Variants in ATP8B1 observed in about 807,000 individuals in gnomAD.
ATP8B1 encodes ATPase phospholipid transporting 8B1.
ATP8B1 carries 80 observed loss-of-function variants against 149.9 expected under a neutral mutation model. The ratio of observed to expected loss-of-function variants is 0.53; its 90% confidence interval spans 0.45 to 0.64. The LOEUF (loss-of-function observed/expected upper bound fraction) is 0.64. ATP8B1 is among the 30% of genes least tolerant of loss of function. The pLI is 0.00. For missense variants in ATP8B1, 1,247 were observed against 1,552.6 expected, an observed-to-expected ratio of 0.80 and a Z score of 3.31; for synonymous variants, 536 against 562.8, an observed-to-expected ratio of 0.95 and a Z score of 0.67.
intron 22 of ATP8B1, among the ~76,000 whole-genome samples, chr18:57,656,428 C>T (rs1910000511): frequency 6.7e-6 from 1 of 150,216 alleles, no homozygotes; most frequent in Admixed American, 6.7e-5. Context: ...CTCTGTCACC[C>T]AGGCTGCAGT....
chr18:57,780,714 G>A (rs1599231792), intron 1 of ATP8B1, among the ~76,000 whole-genome samples: 1 of 152,328 alleles, frequency 6.6e-6, no homozygotes, highest in East Asian at 1.9e-4. Context: ...GAGGTTGCCT[G>A]ATGGAGGTAA....
intron 1 of ATP8B1, among the ~76,000 whole-genome samples, chr18:57,769,478 C>A (rs973716477): frequency 6.6e-6 from 1 of 152,192 alleles, no homozygotes; most frequent in African/African-American, 2.4e-5. Flanking sequence ...CAAGACCCAC[C>A]AGCAAGAAAC....
At position 57,648,178 on chromosome 18, in the gene ATP8B1, G is replaced by T. The variant is rs1909304506; in HGVS notation, c.*310C>A. On this transcript the variant is annotated 3_prime_UTR_variant, in exon 28 of 28. Coordinates refer to ENST00000648908, the MANE Select transcript of ATP8B1 (RefSeq NM_001374385.1). Reference sequence around the variant, plus strand: ...ATTTTTAATTTATGGTAGAGACAGGGTTTCACCATGTTGGCTGGGCTGGTC... The same window carrying T: ...ATTTTTAATTTATGGTAGAGACAGGTTTTCACCATGTTGGCTGGGCTGGTC... 1 of 467,160 alleles carries T rather than the reference G, an allele frequency of 2.1e-6. No individual in the cohort carries two copies. The highest frequency in any genetic ancestry group is 3.9e-6 in the Non-Finnish European group (1 of 253,858). 28.9% of individuals were successfully genotyped at this position (467,160 alleles called of 1,614,324 possible). A position where few individuals can be genotyped will look rare whatever the true frequency, so the allele number is the denominator to read the frequency against.
chr18:57,666,967 T>G, intron 20 of ATP8B1, 125 bp downstream of exon 20: 2 of 841,200 alleles, frequency 2.4e-6, no homozygotes, highest in Non-Finnish European at 4.0e-6. Flanking sequence ...CATTTAAACA[T>G]GAGGAAACTG....
rs1045065585 is a variant in ATP8B1 at position 57,648,305 on chromosome 18, A to C, written c.*183T>G. On this transcript the variant is annotated 3_prime_UTR_variant, in exon 28 of 28. Transcript: ENST00000648908. ...CCGGCCGAATAATAGGACTTTTAAA[A>C]GTCCTATTTCTTGGCTCTGCTATTG... 4 of 777,502 alleles carry C rather than the reference A, an allele frequency of 5.1e-6. No individual in the cohort carries two copies. The highest frequency in any genetic ancestry group is 8.5e-6 in the Non-Finnish European group (4 of 470,040). The allele number at this position is 777,502 out of a possible 1,614,324, so 48.2% of individuals were successfully genotyped here. A position where few individuals can be genotyped will look rare whatever the true frequency, so the allele number is the denominator to read the frequency against.
intron 2 of ATP8B1, among the ~76,000 whole-genome samples, chr18:57,727,107 A>G (rs1344658710): frequency 1.3e-5 from 2 of 152,182 alleles, no homozygotes; most frequent in African/African-American, 4.8e-5. Context: ...ATAAATAAAA[A>G]GAATAAAATA....
chr18:57,795,032 T>A (rs757197465), intron 1 of ATP8B1, among the ~76,000 whole-genome samples: 24 of 152,050 alleles, frequency 1.6e-4, no homozygotes, highest in Non-Finnish European at 7.4e-5. Flanking sequence ...CCAAACTGAA[T>A]AAGGGGGGCT....
intron 13 of ATP8B1, among the ~76,000 whole-genome samples, chr18:57,686,589 T>C (rs1437194002): frequency 6.6e-6 from 1 of 152,020 alleles, no homozygotes; most frequent in Non-Finnish European, 1.5e-5. Flanking sequence ...CCCAGGTAAT[T>C]TTTGTACTTT....
At chr18:57,771,837 C>A (rs1457906813) in intron 1 of ATP8B1, among the ~76,000 whole-genome samples, 1 of 152,168 alleles carries the variant, frequency 6.6e-6, no homozygotes, top group Non-Finnish European at 1.5e-5. Context: ...AAAGGGAACA[C>A]AGCCTAAGGC....
intron 15 of ATP8B1, 68 bp downstream of exon 15, chr18:57,683,968 A>C (rs545931729): frequency 2.3e-5 from 36 of 1,582,046 alleles, no homozygotes; most frequent in Non-Finnish European, 3.0e-5. Context: ...CATTTGAGCC[A>C]TAAGCAGGAG....
intron 13 of ATP8B1, 48 bp downstream of exon 13, chr18:57,688,251 G>T (rs188682887): frequency 1.3e-6 from 2 of 1,572,096 alleles, no homozygotes; most frequent in East Asian, 2.2e-5. Flanking sequence ...ACCTGCACAC[G>T]GCAGGCAGCC....
At chr18:57,717,668 A>G (rs749408058) in intron 2 of ATP8B1, among the ~76,000 whole-genome samples, 89 of 151,366 alleles carry the variant, frequency 5.9e-4, no homozygotes, top group Non-Finnish European at 5.8e-4. Flanking sequence ...GAGATAAATG[A>G]CATTGAAACA....
rs59186951 is a variant in ATP8B1 at position 57,785,881 on chromosome 18, G to T, written c.-26+17117C>A. On this transcript the variant is annotated intron_variant, in intron 1 of 27. Transcript: ENST00000648908. ...GAAAGAACTTGGTTATTCTCCTCTG[G>T]CAGCTTAGTGAAGGAGTAAAAGCCA... Among the ~76,000 whole-genome samples the T allele has an allele frequency of 9.7e-3, 1,482 of 152,230 alleles. 27 individuals carry two copies. The highest frequency in any genetic ancestry group is 0.034 in the African/African-American group (1,429 of 41,538).
Position 57,731,608 on chromosome 18 carries a change from C to T in ATP8B1, c.181+19G>A, listed in dbSNP as rs369562908. On this transcript the variant is annotated intron_variant, in intron 2 of 27. Coordinates refer to ENST00000648908, the MANE Select transcript of ATP8B1 (RefSeq NM_001374385.1). Reference sequence around the variant, plus strand: ...GAGGATTTATAAGCGACCTAGTCACCGGGACTTCATGTGGTTACCTTTTCT... The same window carrying T: ...GAGGATTTATAAGCGACCTAGTCACTGGGACTTCATGTGGTTACCTTTTCT... 1.1e-4 allele frequency: 173 copies of T among 1,613,212 alleles called. No individual in the cohort carries two copies. The highest frequency in any genetic ancestry group is 3.1e-4 in the East Asian group (14 of 44,864).
At chr18:57,717,416 C>T (rs979378511) in intron 2 of ATP8B1, among the ~76,000 whole-genome samples, 2 of 150,746 alleles carry the variant, frequency 1.3e-5, no homozygotes, top group Non-Finnish European at 3.0e-5. Context: ...GGCACAGTGG[C>T]GGGCACCTGT....
chr18:57,697,527 C>G (rs967885968), intron 8 of ATP8B1, 91 bp downstream of exon 8: 12 of 1,382,884 alleles, frequency 8.7e-6, no homozygotes, highest in African/African-American at 7.1e-5. Context: ...GGCCAGATAT[C>G]AAGCCGTCTG....
intron 2 of ATP8B1, among the ~76,000 whole-genome samples, chr18:57,729,553 T>C (rs1391343878): frequency 2.3e-4 from 5 of 22,070 alleles, no homozygotes; most frequent in African/African-American, 7.4e-4. Context: ...TTCTTTCTTT[T>C]TTTTTTTTTT....
rs1911794803 is a variant in ATP8B1 at position 57,679,211 on chromosome 18, C to T, written c.1631-4189G>A. Among the ~76,000 whole-genome samples the T allele has an allele frequency of 2.0e-5, 3 of 149,888 alleles. No homozygotes were observed. In the South Asian group the frequency reaches 6.4e-4, roughly 32 times the overall value. On this transcript the variant is annotated intron_variant, in intron 15 of 27. Transcript: ENST00000648908. The stretch of plus-strand genomic sequence containing the variant: ...CGCCACTGCTCTCCAGCCTGGGCAA[C>T]AGAGCAAGACTCTGTCTCAAAAAAA...
At chr18:57,782,004 AT>A (rs1248046189) in intron 1 of ATP8B1, among the ~76,000 whole-genome samples, 3 of 152,182 alleles carry the variant, frequency 2.0e-5, no homozygotes, top group African/African-American at 4.8e-5. Context: ...ACCAGTAATA[AT>A]AATATTTAAA....
Sources: gnomAD v4.1 joint callset for allele counts (sites outside exome capture counted in the v4.1 genomes callset) on GRCh38, gnomAD v4.1.1 for gene constraint, MANE v1.5 for transcripts, NCBI Gene and HGNC (gene_info 2026-07-23, HGNC 2026-07-21) for gene names.